TNK2: variants seen among roughly 807,000 people sequenced by gnomAD.
The protein encoded by TNK2 is activated CDC42 kinase 1.
In TNK2, 83 loss-of-function variants were observed where a neutral mutation model predicts 101.8. That is an observed-to-expected ratio of 0.82 (90% confidence interval 0.68 to 0.98). The LOEUF is 0.98. Among genes scored for constraint, TNK2 ranks in the 50% least tolerant of loss-of-function variants. TNK2 has a pLI of 0.00. For missense variants in TNK2, 1,665 were observed against 1,483.2 expected (o/e 1.12, Z -2.01); for synonymous variants, 804 against 633.0 (o/e 1.27, Z -4.06).
At chr3:195,887,123 G>A (rs1756030692) in intron 2 of TNK2, 76 bp from the exon 3 acceptor site, 1 of 1,491,510 alleles carries the variant, frequency 6.7e-7, no homozygotes, top group South Asian at 1.2e-5. Flanking sequence ...TGGTCCCCTT[G>A]GGGGTGAGCC....
At chr3:195,900,000 C>T (rs1310988678) in intron 1 of TNK2, among the ~76,000 whole-genome samples, 1 of 152,126 alleles carries the variant, frequency 6.6e-6, no homozygotes, top group Non-Finnish European at 1.5e-5. Flanking sequence ...GACGCCAGCA[C>T]CTTTCTGGGA....
chr3:195,874,576 A>AGGG (rs1397901993), intron 9 of TNK2, among the ~76,000 whole-genome samples: 1 of 126,072 alleles, frequency 7.9e-6, no homozygotes, highest in Non-Finnish European at 1.7e-5. Flanking sequence ...AGGCACAAGA[A>AGGG]GCTCCCCCTC....
intron 15 of TNK2, among the ~76,000 whole-genome samples, chr3:195,865,112 G>A (rs1195830250): frequency 4.3e-5 from 6 of 138,034 alleles, no homozygotes; most frequent in African/African-American, 1.4e-4. Flanking sequence ...AGAACCACCC[G>A]AGACAGTGAC....
intron 15 of TNK2, among the ~76,000 whole-genome samples, chr3:195,865,838 A>G (rs1576974794): frequency 6.6e-6 from 1 of 152,110 alleles, no homozygotes; most frequent in African/African-American, 2.4e-5. Flanking sequence ...GCTGGGCGCA[A>G]TAAGACAGAC....
At position 195,884,857 on chromosome 3, in the gene TNK2, A is replaced by G. The variant is rs1754886807; in HGVS notation, c.411T>C (p.Phe137=). Residue 137 remains phenylalanine, a synonymous_variant, in exon 4 of 16, where the codon TTT becomes TTC. Coordinates refer to ENST00000672887, the MANE Select transcript of TNK2 (RefSeq NM_001382273.1). ...RLLEKLGDGS[F]GVVRRGEWDA... ...CCCACTCGCCCCTGCGCACCACGCC[A>G]AAGGAACCATCACCCAGCTTCTCCA... 8.1e-6 allele frequency: 13 copies of G among 1,613,406 alleles called. No homozygotes were observed. Among genetic ancestry groups the G allele is most frequent in the African/African-American group, 2.7e-5 (2 of 74,900 alleles).
At chr3:195,892,216 C>T (rs571022907) in intron 1 of TNK2, among the ~76,000 whole-genome samples, 15 of 152,320 alleles carry the variant, frequency 9.8e-5, no homozygotes, top group African/African-American at 2.4e-4. Flanking sequence ...ACTCTGTGGC[C>T]GGCGTGCAAA....
At position 195,885,656 on chromosome 3, in the gene TNK2, G is replaced by C; in HGVS notation, c.235-623C>G. The C allele has an allele frequency of 2.5e-6, 3 of 1,179,658 alleles. No homozygotes were observed. The highest frequency in any genetic ancestry group is 3.4e-6 in the Non-Finnish European group (3 of 889,770). 73.1% of individuals were successfully genotyped at this position (1,179,658 alleles called of 1,614,324 possible). On this transcript the variant is annotated intron_variant, in intron 3 of 15. Transcript: ENST00000672887. This position sits in a 1 kb window ranked among gnomAD's most constrained non-coding sequence, Gnocchi z 4.7. ...GCCTGGGAAGACAGCTGGGTCTCTG[G>C]AGGGGCGCCTAGAGCTGAGGGCTGA...
At chr3:195,874,605 A>C (rs28706969) in intron 9 of TNK2, among the ~76,000 whole-genome samples, 2 of 44,244 alleles carry the variant, frequency 4.5e-5, no homozygotes, top group Non-Finnish European at 8.5e-5. Flanking sequence ...GCCCACGCAC[A>C]CTCCGAGGCA....
At position 195,895,344 on chromosome 3, in the gene TNK2, C is replaced by A. The variant is rs774296629; in HGVS notation, c.-18-6738G>T. On this transcript the variant is annotated intron_variant, in intron 1 of 15. Transcript: ENST00000672887. Reference sequence around the variant, plus strand: ...GCTGCGGTCAGGGAGAGAAGCAGCGCCCGCAGCCCCCGCCCCGCAGCGGCA... The same window carrying A: ...GCTGCGGTCAGGGAGAGAAGCAGCGACCGCAGCCCCCGCCCCGCAGCGGCA... The A allele has an allele frequency of 8.3e-6, 13 of 1,564,170 alleles. No homozygotes were observed. In the South Asian group the frequency reaches 1.5e-4, roughly 18 times the overall value.
At position 195,883,134 on chromosome 3, in the gene TNK2, C is replaced by T. The variant is rs758504493; in HGVS notation, c.609+23G>A. Reference sequence around the variant, plus strand: ...GGACCGGAGCCCTCTCCCTGCCCGCCCCCTCCCGCCCGCAGTACTCACCAT... The same window carrying T: ...GGACCGGAGCCCTCTCCCTGCCCGCTCCCTCCCGCCCGCAGTACTCACCAT... On this transcript the variant is annotated intron_variant, in intron 5 of 15. Transcript: ENST00000672887. 3.4e-5 allele frequency: 55 copies of T among 1,595,746 alleles called. No homozygotes were observed. The East Asian group carries it at 1.2e-3, about 35-fold the overall frequency.
At chr3:195,895,139 ACT>A (rs374969629) in intron 1 of TNK2, 2 of 1,079,568 alleles carry the variant, frequency 1.9e-6, no homozygotes, top group Middle Eastern at 2.2e-4. Flanking sequence ...AGGAGCAGAC[ACT>A]CTCACTCCTG....
rs756017235 is a variant in TNK2, at chr3:195,868,018, G to A, written c.2280C>T (p.Ile760=). 1.9e-6 allele frequency: 3 copies of A among 1,583,120 alleles called. No homozygotes were observed. Among genetic ancestry groups the A allele is most frequent in the Non-Finnish European group, 2.6e-6 (3 of 1,170,878 alleles). Residue 760 remains isoleucine (I), a synonymous_variant, in exon 13 of 16, where the codon ATC becomes ATT. Coordinates refer to ENST00000672887, the MANE Select transcript of TNK2 (RefSeq NM_001382273.1). ...DKPQVPPRVP[I]PPRPTRPHVQ... ...CGTGTGGGCGCGTGGGCCGAGGGGG[G>A]ATGGGTACCCGAGGAGGCACCTGGG... is the stretch of plus-strand genomic sequence containing the variant.
intron 1 of TNK2, among the ~76,000 whole-genome samples, chr3:195,902,216 T>C (rs1761272100): frequency 1.3e-5 from 2 of 152,160 alleles, no homozygotes; most frequent in South Asian, 4.1e-4. Context: ...ACTGACCGCC[T>C]GCAATCCTCA....
At chr3:195,891,360 C>T (rs545179241) in intron 1 of TNK2, among the ~76,000 whole-genome samples, 1 of 152,238 alleles carries the variant, frequency 6.6e-6, no homozygotes, top group African/African-American at 2.4e-5. Context: ...GAGCCAAGAT[C>T]GTGCCATTGC....
In TNK2 at chr3:195,904,913, G is replaced by A. The variant is rs180686960; in HGVS notation, c.-19+3572C>T. On this transcript the variant is annotated intron_variant, in intron 1 of 15. Transcript: ENST00000672887. ...GTCAGAAGGCTCAATACTGCTAACC[G>A]ATCAATTCTCCCCAAATTGATCATA... Among the ~76,000 whole-genome samples, 54 of 152,290 alleles carry A rather than the reference G, an allele frequency of 3.5e-4. 2 individuals are homozygous for A. Among genetic ancestry groups the A allele is most frequent in the Admixed American group, 2.6e-4 (4 of 15,302 alleles).
chr3:195,892,472 C>G, intron 1 of TNK2: 1 of 1,535,620 alleles, frequency 6.5e-7, no homozygotes, highest in Admixed American at 2.0e-5. Flanking sequence ...GCCAGGGAAC[C>G]GACGTGCTGC....
At chr3:195,871,438 T>TCC (rs1286700256) in intron 10 of TNK2, among the ~76,000 whole-genome samples, 1 of 151,844 alleles carries the variant, frequency 6.6e-6, no homozygotes, top group African/African-American at 2.4e-5. Flanking sequence ...CCTGCATACA[T>TCC]CCCCAGGGCC....
Position 195,867,723 on chromosome 3 carries a change from T to C in TNK2, c.2575A>G (p.Ile859Val). 2 of 1,605,016 alleles carry C rather than the reference T, an allele frequency of 1.2e-6. No homozygotes were observed. The highest frequency in any genetic ancestry group is 1.1e-5 in the South Asian group (1 of 90,208). The change falls in exon 13 of 16, where the codon ATC becomes GTC. Residue 859 changes from isoleucine (I) to valine (V), a missense_variant. Transcript: ENST00000672887. Reference sequence around the variant, plus strand: ...TTGCCATCCCGGACGATGGGCAGGATGCAGGGACCAGCCCGCGGGCCAGGG... The same window carrying C: ...TTGCCATCCCGGACGATGGGCAGGACGCAGGGACCAGCCCGCGGGCCAGGG... ...QAPGPRAGPC[I>V]LPIVRDGKKV...
At chr3:195,891,960 C>T in intron 1 of TNK2, 5 of 995,082 alleles carry the variant, frequency 5.0e-6, no homozygotes, top group Non-Finnish European at 6.0e-6. Flanking sequence ...AACAGCGCAG[C>T]TCTGCACAGG....
Sources: gnomAD v4.1 joint callset for allele counts (sites outside exome capture counted in the v4.1 genomes callset) on GRCh38, gnomAD v4.1.1 for gene constraint, Gnocchi (gnomAD v3.1) non-coding constraint, MANE v1.5 for transcripts, NCBI Gene and HGNC (gene_info 2026-07-23, HGNC 2026-07-21) for gene names.